The following RAB11FIP4 variants were observed in gnomAD, a reference collection of about 807,000 sequenced individuals.
RAB11FIP4 encodes the protein RAB11 family interacting protein 4, also known as rab11 family-interacting protein 4.
Under a neutral mutation model 74.3 loss-of-function variants are expected in RAB11FIP4, and 23 were observed. The ratio of observed to expected loss-of-function variants is 0.31; its 90% CI spans 0.22 to 0.44. The LOEUF is 0.44. Among genes scored for constraint, RAB11FIP4 ranks in the 20% least tolerant of loss-of-function variants. The probability of loss-of-function intolerance (pLI) is 1.00; values close to 1 mark genes in which losing one functional copy is unlikely to be tolerated. For missense variants in RAB11FIP4, 630 were observed against 863.9 expected, an observed-to-expected ratio of 0.73 and a Z score of 3.39; for synonymous variants, 360 against 359.9, an observed-to-expected ratio of 1.00 and a Z score of 0.00.
In RAB11FIP4 at chr17:31,407,040, A is replaced by ATTTTTTTTTTTTTTTTTTTTTTTTTTT. The variant is rs59919036; in HGVS notation, c.159+15032_159+15058dup. Reference sequence around the variant, plus strand: ...CACATTTGTTTTTTTGTTTCACTTGATTTTTTTTTTTTTTTTTTTTTTTTT... The same window carrying ATTTTTTTTTTTTTTTTTTTTTTTTTTT: ...CACATTTGTTTTTTTGTTTCACTTGATTTTTTTTTTTTTTTTTTTTTTTTTTTTTTTTTTTTTTTTTTTTTTTTTTTT... On this transcript the variant is annotated intron_variant, in intron 1 of 14. Coordinates refer to ENST00000621161, the MANE Select transcript of RAB11FIP4 (RefSeq NM_032932.6). Among the ~76,000 whole-genome samples, 10 of 51,214 alleles carry ATTTTTTTTTTTTTTTTTTTTTTTTTTT rather than the reference A, an allele frequency of 2.0e-4. 3 individuals are homozygous for ATTTTTTTTTTTTTTTTTTTTTTTTTTT. The highest frequency in any genetic ancestry group is 3.2e-4 in the Admixed American group (1 of 3,086). 33.6% of individuals were successfully genotyped at this position (51,214 alleles called of 152,430 possible). A position where few individuals can be genotyped will look rare whatever the true frequency, so the allele number is the denominator to read the frequency against.
chr17:31,537,381 G>A lies in RAB11FIP4; in HGVS notation c.*5649G>A, dbSNP rs1486369916. 5 of 396,360 alleles carry A rather than the reference G, an allele frequency of 1.3e-5. No homozygotes were observed. In the East Asian group the frequency reaches 1.8e-4, roughly 14 times the overall value. The allele number at this position is 396,360 out of a possible 1,614,324, so 24.6% of individuals were successfully genotyped here. On this transcript the variant is annotated 3_prime_UTR_variant, in exon 15 of 15. Coordinates refer to ENST00000621161, the MANE Select transcript of RAB11FIP4 (RefSeq NM_032932.6). ...ACAGAATCTTTCATTATTGTCTTAA[G>A]CATGGGGGGCTAGGACCCACTTAGT...
chr17:31,482,352 G>A (rs1322588292), intron 3 of RAB11FIP4, among the ~76,000 whole-genome samples: 1 of 152,142 alleles, frequency 6.6e-6, no homozygotes, highest in Non-Finnish European at 1.5e-5. Flanking sequence ...CAGCACTTTG[G>A]GAGGCCGAGG....
chr17:31,452,250 A>G (rs1436870282), intron 3 of RAB11FIP4, among the ~76,000 whole-genome samples: 2 of 152,100 alleles, frequency 1.3e-5, no homozygotes, highest in Non-Finnish European at 2.9e-5. Context: ...AGTGCCTGGC[A>G]TAGAGAGGCT....
At chr17:31,508,392 C>T (rs560920577) in intron 3 of RAB11FIP4, among the ~76,000 whole-genome samples, 2 of 152,364 alleles carry the variant, frequency 1.3e-5, no homozygotes, top group South Asian at 4.1e-4. Flanking sequence ...GCCAGTGGAT[C>T]CCCTTGTGGT....
chr17:31,455,839 G>A (rs989346740), intron 3 of RAB11FIP4, among the ~76,000 whole-genome samples: 3 of 152,194 alleles, frequency 2.0e-5, no homozygotes, highest in Non-Finnish European at 4.4e-5. Flanking sequence ...AGGCATGTCA[G>A]GACCCTTACC....
chr17:31,396,060 T>A (rs1392314356), intron 1 of RAB11FIP4, among the ~76,000 whole-genome samples: 1 of 151,856 alleles, frequency 6.6e-6, no homozygotes, highest in Non-Finnish European at 1.5e-5. Flanking sequence ...GGCGTGCACC[T>A]GTAATCCCAG....
rs1407978632 is a variant in RAB11FIP4, at chr17:31,528,524, A to T, written c.1475A>T (p.Glu492Val). The T allele has an allele frequency of 1.2e-6, 2 of 1,613,750 alleles. No individual in the cohort carries two copies. The highest frequency in any genetic ancestry group is 1.7e-6 in the Non-Finnish European group (2 of 1,180,052). ...LRQNRLEFQK[E>V]REATQELIED... ...CAGAACCGCCTTGAGTTCCAGAAGG[A>T]GCGGGAGGCGACGCAGGAGGTAGGT... The change falls in exon 12 of 15, where the codon GAG (glutamate) becomes GTG (valine). Residue 492 changes from glutamate (E) to valine (V), a missense_variant. Glu to Val is a moderately radical substitution (Grantham distance 121, BLOSUM62 -2). Transcript: ENST00000621161.
chr17:31,503,157 C>T (rs985381474), intron 3 of RAB11FIP4, among the ~76,000 whole-genome samples: 6 of 152,082 alleles, frequency 3.9e-5, no homozygotes, highest in South Asian at 2.1e-4. Context: ...CTCAGCCTCC[C>T]GAGTAGCTGG....
intron 3 of RAB11FIP4, 106 bp from the exon 4 acceptor site, chr17:31,517,545 C>A (rs1466819328): frequency 1.7e-5 from 18 of 1,075,076 alleles, no homozygotes; most frequent in Middle Eastern, 5.3e-4. Flanking sequence ...CCTCCTGTAC[C>A]CAATCCCTGC....
chr17:31,443,867 A>C (rs916123933), intron 3 of RAB11FIP4, among the ~76,000 whole-genome samples: 6 of 152,362 alleles, frequency 3.9e-5, no homozygotes, highest in Middle Eastern at 3.4e-3. Flanking sequence ...GCCAGCAGAG[A>C]TTGTGCCACT....
chr17:31,479,443 C>A (rs755198658), intron 3 of RAB11FIP4, among the ~76,000 whole-genome samples: 6 of 152,202 alleles, frequency 3.9e-5, no homozygotes, highest in Non-Finnish European at 7.4e-5. Context: ...AGGGCCCTAA[C>A]CATTCCCCAG....
chr17:31,466,613 G>C (rs2142723930), intron 3 of RAB11FIP4, among the ~76,000 whole-genome samples: 1 of 152,282 alleles, frequency 6.6e-6, no homozygotes, highest in South Asian at 2.1e-4. Flanking sequence ...TCCTGCCTGG[G>C]CGTCTACCGC....
In RAB11FIP4 at chr17:31,396,193, AAAAAGAAAAG is replaced by A. The variant is rs555737393; in HGVS notation, c.159+4201_159+4210del. 5.4e-3 allele frequency among the ~76,000 whole-genome samples: 679 copies of A among 124,824 alleles called. 4 individuals are homozygous for A. The highest frequency in any genetic ancestry group is 0.016 in the African/African-American group (631 of 39,364). 81.9% of individuals were successfully genotyped at this position (124,824 alleles called of 152,430 possible). ...AGTGAGACCCTGCCACAAAAAAAAA[AAAAAGAAAAG>A]AAAAGAAAAGAAAAGAAAGAAATGC... On this transcript the variant is annotated intron_variant, in intron 1 of 14. Coordinates refer to ENST00000621161, the MANE Select transcript of RAB11FIP4 (RefSeq NM_032932.6).
Position 31,512,241 on chromosome 17 carries a change from ACT to A in RAB11FIP4, c.337-5406_337-5405del, listed in dbSNP as rs989752221. On this transcript the variant is annotated intron_variant, in intron 3 of 14. Coordinates refer to ENST00000621161, the MANE Select transcript of RAB11FIP4 (RefSeq NM_032932.6). This position sits in a 1 kb window ranked among gnomAD's most constrained non-coding sequence, Gnocchi z 4.1. The stretch of plus-strand genomic sequence containing the variant: ...GAATTTACGGCTCCTACCGTGACCG[ACT>A]CTCCGGTGTAAATTGTCACGTGTGG... Among the ~76,000 whole-genome samples the A allele has an allele frequency of 1.3e-4, 19 of 151,502 alleles. No homozygotes were observed. Among genetic ancestry groups the A allele is most frequent in the African/African-American group, 4.6e-4 (19 of 41,176 alleles).
intron 3 of RAB11FIP4, among the ~76,000 whole-genome samples, chr17:31,511,650 C>T (rs1022826930): frequency 6.6e-6 from 1 of 152,212 alleles, no homozygotes; most frequent in African/African-American, 2.4e-5. Context: ...CTCAGGGAAA[C>T]GCAGGGTGCT....
intron 3 of RAB11FIP4, among the ~76,000 whole-genome samples, chr17:31,472,246 G>A (rs537913668): frequency 2.0e-5 from 3 of 151,878 alleles, no homozygotes; most frequent in South Asian, 2.1e-4. Context: ...GCTGAGCACC[G>A]CCCTGGGCTC....
At chr17:31,433,295 G>T (rs541242090) in intron 2 of RAB11FIP4, among the ~76,000 whole-genome samples, 1 of 152,204 alleles carries the variant, frequency 6.6e-6, no homozygotes, top group Non-Finnish European at 1.5e-5. Context: ...TCCTGTCTGC[G>T]GCTCAGATCA....
At chr17:31,468,046 C>T (rs188242477) in intron 3 of RAB11FIP4, among the ~76,000 whole-genome samples, 23 of 152,260 alleles carry the variant, frequency 1.5e-4, no homozygotes, top group African/African-American at 4.6e-4. Context: ...GGGTGAGCTG[C>T]GCTGGTCCAT....
intron 1 of RAB11FIP4, among the ~76,000 whole-genome samples, chr17:31,418,670 G>A (rs2071171165): frequency 6.6e-6 from 1 of 151,948 alleles, no homozygotes; most frequent in South Asian, 2.1e-4. Flanking sequence ...TTGCCATGTT[G>A]CCCAGGCTGG....
Sources: gnomAD v4.1 joint callset for allele counts (sites outside exome capture counted in the v4.1 genomes callset) on GRCh38, gnomAD v4.1.1 for gene constraint, Gnocchi (gnomAD v3.1) non-coding constraint, MANE v1.5 for transcripts, NCBI Gene and HGNC (gene_info 2026-07-23, HGNC 2026-07-21) for gene names.